The following DNMT3A variants were observed in gnomAD, a reference collection of about 807,000 sequenced individuals.
The protein encoded by DNMT3A is DNA (cytosine-5)-methyltransferase 3A.
In DNMT3A, 267 loss-of-function variants were observed where a neutral mutation model predicts 117.6. The observed-to-expected ratio is 2.27, with a 90% CI of 2.05 to 2.51. DNMT3A has a LOEUF of 2.51. Among genes scored for constraint, DNMT3A ranks in the 30% most tolerant of loss-of-function variants. The pLI is 0.00. For missense variants in DNMT3A, 1,029 were observed against 1,260.2 expected (o/e 0.82, Z 2.78); for synonymous variants, 432 against 474.8 (o/e 0.91, Z 1.17).
rs150400657 is a variant in DNMT3A, at chr2:25,278,042, C to CACACACACACACACACACAAACAG, written c.449-2500_449-2499insCTGTTTGTGTGTGTGTGTGTGTGT. Reference sequence around the variant, plus strand: ...ACACACACACACACACACACACAGACACACACGCTTTCCAGCCTGGCCGGG... The same window carrying CACACACACACACACACACAAACAG: ...ACACACACACACACACACACACAGACACACACACACACACACACAAACAGACACACGCTTTCCAGCCTGGCCGGG... On this transcript the variant is annotated intron_variant, in intron 4 of 22. Transcript: ENST00000321117. Among the ~76,000 whole-genome samples, 585 of 146,374 alleles carry CACACACACACACACACACAAACAG rather than the reference C, an allele frequency of 4.0e-3. 6 individuals carry two copies. The highest frequency in any genetic ancestry group is 5.5e-3 in the Non-Finnish European group (370 of 66,862).
In DNMT3A at chr2:25,293,776, G is replaced by A. The variant is rs1292781317; in HGVS notation, c.177+6363C>T. On this transcript the variant is annotated intron_variant, in intron 3 of 22. Transcript: ENST00000321117. The surrounding 1 kb of genome is among the most constrained non-coding windows in gnomAD (Gnocchi z 4.7). ...AACCTCTGCCTGCCCAGGTTCAAGC[G>A]ATTCTCGTGCCTCAGCCTCCTGGGC... Among the ~76,000 whole-genome samples the A allele has an allele frequency of 6.6e-6, 1 of 152,194 alleles. No individual in the cohort carries two copies. Among genetic ancestry groups the A allele is most frequent in the African/African-American group, 2.4e-5 (1 of 41,454 alleles).
Position 25,252,615 on chromosome 2 carries a change from C to CGGGGCCGG in DNMT3A, c.640-4371_640-4364dup, listed in dbSNP as rs1267004389. The stretch of plus-strand genomic sequence containing the variant: ...CCCCCAGCTCTGGAAGAGATTAGCG[C>CGGGGCCGG]GGGGCCGGGGGGCCGGGAGGGGAGG... On this transcript the variant is annotated intron_variant, in intron 6 of 22. Coordinates refer to ENST00000321117, the MANE Select transcript of DNMT3A (RefSeq NM_022552.5). This position sits in a 1 kb window ranked among gnomAD's most constrained non-coding sequence, Gnocchi z 5.5. 6.8e-6 allele frequency among the ~76,000 whole-genome samples: 1 copy of CGGGGCCGG among 147,416 alleles called. No homozygotes were observed. Among genetic ancestry groups the CGGGGCCGG allele is most frequent in the South Asian group, 2.2e-4 (1 of 4,604 alleles).
rs143068605 is a variant in DNMT3A, at chr2:25,240,314, C to T, written c.2310G>A (p.Ser770=). The change falls in exon 19 of 23, where the codon TCG becomes TCA. Residue 770 remains serine (S), a synonymous_variant. Transcript: ENST00000321117. The part of the protein sequence containing the change: ...AMGVSDKRDI[S]RFLESNPVMI... ...TTGCTGGCTATACCTCGAGAAATCGCGAGATGTCCCTCTTGTCACTAACGC... is the reference window on the plus strand; with the variant it reads ...TTGCTGGCTATACCTCGAGAAATCGTGAGATGTCCCTCTTGTCACTAACGC... 1.9e-5 allele frequency: 30 copies of T among 1,614,054 alleles called. No homozygotes were observed. Among genetic ancestry groups the T allele is most frequent in the South Asian group, 7.7e-5 (7 of 91,090 alleles).
intron 3 of DNMT3A, among the ~76,000 whole-genome samples, chr2:25,291,584 C>T (rs902553550): frequency 3.3e-5 from 5 of 152,228 alleles, no homozygotes; most frequent in East Asian, 1.9e-4. Context: ...TCAGGGATGG[C>T]GGGACCAGAG....
chr2:25,277,828 G>A (rs796199932), intron 4 of DNMT3A, among the ~76,000 whole-genome samples: 12 of 152,042 alleles, frequency 7.9e-5, no homozygotes, highest in East Asian at 5.8e-4. Flanking sequence ...CTGATGCCCC[G>A]GCAAGCTCCC....
intron 16 of DNMT3A, among the ~76,000 whole-genome samples, chr2:25,243,031 G>C (rs1049281140): frequency 5.9e-5 from 9 of 152,164 alleles, no homozygotes; most frequent in Non-Finnish European, 8.8e-5. Context: ...CTTTGGCCGG[G>C]TCTGGTGGCT....
At chr2:25,278,036 C>CACACAA (rs1553422559) in intron 4 of DNMT3A, among the ~76,000 whole-genome samples, 13 of 47,796 alleles carry the variant, frequency 2.7e-4, no homozygotes, top group East Asian at 1.0e-3. Flanking sequence ...CACACACACA[C>CACACAA]ACAGACACAC....
intron 6 of DNMT3A, among the ~76,000 whole-genome samples, chr2:25,271,132 G>A (rs1573395128): frequency 6.6e-6 from 1 of 151,980 alleles, no homozygotes; most frequent in South Asian, 2.1e-4. Flanking sequence ...ATCACCTGAG[G>A]TCAAGAGTTC....
intron 2 of DNMT3A, among the ~76,000 whole-genome samples, chr2:25,308,876 C>T (rs2033922524): frequency 6.6e-6 from 1 of 152,044 alleles, no homozygotes; most frequent in Non-Finnish European, 1.5e-5. Context: ...GGAGAGAGCC[C>T]ACGAGAAATC....
rs1011590504 is a variant in DNMT3A at position 25,316,056 on chromosome 2, C to T, written c.-177-1895G>A. 5.9e-5 allele frequency among the ~76,000 whole-genome samples: 9 copies of T among 152,188 alleles called. No homozygotes were observed. The South Asian group carries it at 6.2e-4, about 11-fold the overall frequency. ...GACCCCTTCTATTAATAGCTCTGAC[C>T]GGCCAAGGAAGCTGTTGCGGCCCCA... On this transcript the variant is annotated intron_variant, in intron 1 of 22. Coordinates refer to ENST00000321117, the MANE Select transcript of DNMT3A (RefSeq NM_022552.5).
At chr2:25,249,803 C>G (rs1675292210) in intron 6 of DNMT3A, 2 of 1,527,616 alleles carry the variant, frequency 1.3e-6, no homozygotes, top group East Asian at 2.3e-5. Context: ...ACACGGCCCT[C>G]TGACTTCAAG....
chr2:25,266,526 G>A (rs911332092), intron 6 of DNMT3A, among the ~76,000 whole-genome samples: 3 of 152,108 alleles, frequency 2.0e-5, no homozygotes, highest in Non-Finnish European at 2.9e-5. Flanking sequence ...CTGAGTGACT[G>A]CTTATTAAAT....
rs1489843853 is a variant in DNMT3A at position 25,235,800 on chromosome 2, G to A, written c.2504C>T (p.Thr835Met). 2.5e-6 allele frequency: 4 copies of A among 1,613,848 alleles called. No homozygotes were observed. The highest frequency in any genetic ancestry group is 3.4e-6 in the Non-Finnish European group (4 of 1,179,958). ...AKFSKVRTITTRSNSIKQGKD... is the reference protein window; with the variant it reads ...AKFSKVRTITMRSNSIKQGKD... ...GCCCTGCTTTATGGAGTTTGACCTC[G>A]TAGTAATGGTCCTCACTTTGCTGAA... Residue 835 changes from threonine (T) to methionine (M), a missense_variant, in exon 22 of 23, where the codon ACG becomes ATG. Physicochemically the swap from Thr to Met is moderately conservative, Grantham distance 81. Coordinates refer to ENST00000321117, the MANE Select transcript of DNMT3A (RefSeq NM_022552.5).
At chr2:25,248,436 G>T (rs1191612002) in intron 6 of DNMT3A, among the ~76,000 whole-genome samples, 184 bp from the exon 7 acceptor site, 1 of 152,192 alleles carries the variant, frequency 6.6e-6, no homozygotes, top group African/African-American at 2.4e-5. Flanking sequence ...GTGAACTCAA[G>T]TCACACAATT....
chr2:25,247,498 A>G lies in DNMT3A; in HGVS notation c.1014+93T>C, dbSNP rs957407105. ...GGGGTGAGCAGAACCCACTTCCATC[A>G]CCCCAATTCCAGACTGCCCCCAGCC... On this transcript the variant is annotated intron_variant, in intron 8 of 22. Transcript: ENST00000321117. The surrounding 1 kb of genome is among the most constrained non-coding windows in gnomAD (Gnocchi z 5.6). The G allele has an allele frequency of 3.9e-6, 6 of 1,541,102 alleles. No homozygotes were observed. The African/African-American group carries it at 4.1e-5, about 11-fold the overall frequency.
Position 25,234,221 on chromosome 2 carries a change from GTGTTTTT to G in DNMT3A, c.*51_*57del. ...TGTTCTTGGTGTTTTATTATGTTTT[GTGTTTTT>G]TGTTTGTTTGTTTAACTTTGTGTCG... On this transcript the variant is annotated 3_prime_UTR_variant, in exon 23 of 23. Coordinates refer to ENST00000321117, the MANE Select transcript of DNMT3A (RefSeq NM_022552.5). The surrounding 1 kb of genome is among the most constrained non-coding windows in gnomAD (Gnocchi z 4.5). 6.4e-7 allele frequency: 1 copy of G among 1,561,696 alleles called. No homozygotes were observed. The highest frequency in any genetic ancestry group is 8.7e-7 in the Non-Finnish European group (1 of 1,147,704).
At chr2:25,235,882 G>A in intron 21 of DNMT3A, 57 bp from the exon 22 acceptor site, 7 of 1,469,348 alleles carry the variant, frequency 4.8e-6, no homozygotes, top group Non-Finnish European at 6.7e-6. Flanking sequence ...GCCAACACTG[G>A]TCATGCGTCT....
In DNMT3A at chr2:25,304,958, C is replaced by A. The variant is rs1438987797; in HGVS notation, c.73-4715G>T. ...CCCTTCCTCTCCTATAGTTCCCCTA[C>A]CCAGCAAGGCAACGGTCAGCTCCTT... On this transcript the variant is annotated intron_variant, in intron 2 of 22. Transcript: ENST00000321117. This position sits in a 1 kb window ranked among gnomAD's most constrained non-coding sequence, Gnocchi z 4.3. 1.3e-5 allele frequency among the ~76,000 whole-genome samples: 2 copies of A among 152,238 alleles called. No homozygotes were observed. The highest frequency in any genetic ancestry group is 1.3e-4 in the Admixed American group (2 of 15,284).
At chr2:25,246,476 C>A (rs1674786459) in intron 10 of DNMT3A, 144 bp downstream of exon 10, 6 of 1,435,258 alleles carry the variant, frequency 4.2e-6, no homozygotes, top group Non-Finnish European at 5.6e-6. Flanking sequence ...CAAGTCCTGA[C>A]CCCAGGGCAA....
Sources: gnomAD v4.1 joint callset for allele counts (sites outside exome capture counted in the v4.1 genomes callset) on GRCh38, gnomAD v4.1.1 for gene constraint, Gnocchi (gnomAD v3.1) non-coding constraint, MANE v1.5 for transcripts, NCBI Gene and HGNC (gene_info 2026-07-23, HGNC 2026-07-21) for gene names.